Variants in SHISA9 observed in about 807,000 individuals in gnomAD.
The protein encoded by SHISA9 is shisa family member 9.
SHISA9 carries 13 observed loss-of-function variants against 38.0 expected under a neutral mutation model. The observed-to-expected ratio is 0.34, with a 90% CI of 0.22 to 0.54. The LOEUF (loss-of-function observed/expected upper bound fraction) is 0.54. Ranked by LOEUF, SHISA9 falls within the 20% of genes least tolerant of loss-of-function variation. SHISA9 has a pLI of 0.91. For missense variants in SHISA9, 538 were observed against 575.8 expected (o/e 0.93, Z 0.67); for synonymous variants, 275 against 242.0 (o/e 1.14, Z -1.27).
chr16:12,911,424 C>A, intron 1 of SHISA9: 1 of 973,396 alleles, frequency 1.0e-6, no homozygotes, highest in South Asian at 4.7e-5. Flanking sequence ...CCAATATATG[C>A]ACATTTATAA....
At chr16:13,034,059 C>T (rs1316758680) in intron 2 of SHISA9, among the ~76,000 whole-genome samples, 4 of 151,660 alleles carry the variant, frequency 2.6e-5, no homozygotes, top group Middle Eastern at 3.4e-3. Flanking sequence ...GCAGGAGAGT[C>T]GCTTGAACCT....
At chr16:13,245,748 TA>T in the SHISA9 span, among the ~76,000 whole-genome samples, 1 of 152,226 alleles carries the variant, frequency 6.6e-6, no homozygotes, top group Non-Finnish European at 1.5e-5. Context: ...TGTCATTTTT[TA>T]AAACTGATAG....
At chr16:13,460,445 C>A in the SHISA9 span, among the ~76,000 whole-genome samples, 2 of 152,120 alleles carry the variant, frequency 1.3e-5, no homozygotes, top group Admixed American at 1.3e-4. Flanking sequence ...GAGGAGGAAC[C>A]CCAAGATCAG....
At chr16:13,242,514 C>G (rs537960880), downstream of SHISA9, among the ~76,000 whole-genome samples, 1 of 152,162 alleles carries the variant, frequency 6.6e-6, no homozygotes, top group Non-Finnish European at 1.5e-5. Flanking sequence ...CTGTGTGCTT[C>G]TAGAGACAGG....
intron 2 of SHISA9, among the ~76,000 whole-genome samples, chr16:12,960,096 T>C (rs540853786): frequency 6.6e-6 from 1 of 152,300 alleles, no homozygotes; most frequent in African/African-American, 2.4e-5. Context: ...TTTACTTGCG[T>C]GGTGTGCTCA....
intron 2 of SHISA9, among the ~76,000 whole-genome samples, chr16:12,952,675 G>A (rs963800673): frequency 2.6e-5 from 4 of 152,114 alleles, no homozygotes; most frequent in Non-Finnish European, 4.4e-5. Flanking sequence ...TTTTAAAAGT[G>A]GCACTTCCTC....
At chr16:13,491,818 C>CT in the SHISA9 span, among the ~76,000 whole-genome samples, 106 of 44,528 alleles carry the variant, frequency 2.4e-3, 16 homozygotes, top group Non-Finnish European at 2.7e-3. Context: ...ATTTATTGAC[C>CT]TTTTTTTTTT....
At chr16:13,155,227 T>C (rs530611011) in intron 2 of SHISA9, among the ~76,000 whole-genome samples, 2 of 152,252 alleles carry the variant, frequency 1.3e-5, no homozygotes, top group Middle Eastern at 3.4e-3. Flanking sequence ...TGGAGTGGCT[T>C]AGAATGCAAT....
intron 2 of SHISA9, among the ~76,000 whole-genome samples, chr16:13,035,681 C>G (rs1217052101): frequency 6.6e-6 from 1 of 152,128 alleles, no homozygotes; most frequent in Non-Finnish European, 1.5e-5. Flanking sequence ...TGGGTACGCA[C>G]CACCATGCCT....
chr16:13,265,367 C>T, the SHISA9 span, among the ~76,000 whole-genome samples: 1 of 116,194 alleles, frequency 8.6e-6, no homozygotes, highest in African/African-American at 3.4e-5. Flanking sequence ...CACTTCCATC[C>T]CCTTCCCTTC....
intron 2 of SHISA9, among the ~76,000 whole-genome samples, chr16:13,172,585 A>G (rs970728052): frequency 2.0e-5 from 3 of 152,172 alleles, no homozygotes; most frequent in African/African-American, 4.8e-5. Context: ...TGAAATAACA[A>G]TGAAAACACC....
chr16:13,331,878 T>A, the SHISA9 span: 1 of 152,194 alleles, frequency 6.6e-6, no homozygotes, highest in Non-Finnish European at 1.5e-5. Flanking sequence ...GTGTTCAGTA[T>A]CTGGCACAGT....
At chr16:12,908,624 C>T in intron 1 of SHISA9, 1 of 1,550,796 alleles carries the variant, frequency 6.4e-7, no homozygotes, top group East Asian at 2.4e-5. Context: ...CGTTTGAGTG[C>T]AAACCTGCAG....
At chr16:13,139,261 A>C in intron 2 of SHISA9, among the ~76,000 whole-genome samples, 5 of 121,650 alleles carry the variant, frequency 4.1e-5, no homozygotes, top group Admixed American at 9.3e-5. Context: ...TTTCTTTCTA[A>C]TTCCCTTCCT....
chr16:12,920,835 C>G (rs1345381509), intron 2 of SHISA9, among the ~76,000 whole-genome samples: 1 of 152,194 alleles, frequency 6.6e-6, no homozygotes, highest in African/African-American at 2.4e-5. Context: ...TATTCCTTTT[C>G]TGTTCTAGAG....
intron 2 of SHISA9, among the ~76,000 whole-genome samples, chr16:12,927,046 A>T (rs1488174472): frequency 6.6e-6 from 1 of 152,226 alleles, no homozygotes; most frequent in Non-Finnish European, 1.5e-5. Flanking sequence ...TTTTTCAGTC[A>T]GCCTGCTGTT....
the SHISA9 span, among the ~76,000 whole-genome samples, chr16:13,386,575 G>A: frequency 5.3e-4 from 80 of 152,286 alleles, 1 homozygote; most frequent in East Asian, 0.015. Context: ...TCTTAGAAGT[G>A]TGTCTGGCAC....
At chr16:13,107,459 C>A (rs7205030) in intron 2 of SHISA9, among the ~76,000 whole-genome samples, 7,585 of 132,966 alleles carry the variant, frequency 0.057, 684 homozygotes, top group African/African-American at 0.2. Flanking sequence ...AACAAACAAA[C>A]AAAAAAACAA....
At chr16:13,277,214 C>T in the SHISA9 span, among the ~76,000 whole-genome samples, 2 of 152,060 alleles carry the variant, frequency 1.3e-5, no homozygotes, top group Non-Finnish European at 2.9e-5. Flanking sequence ...TGTTGAAGAT[C>T]AGTTGGCTGT....
Sources: allele counts gnomAD v4.1 joint callset (sites outside exome capture counted in the v4.1 genomes callset), GRCh38; gene constraint gnomAD v4.1.1; transcripts MANE v1.5; gene names NCBI Gene and HGNC (gene_info 2026-07-23, HGNC 2026-07-21).